The following SLC14A2 variants were observed in gnomAD, a reference collection of about 807,000 sequenced individuals.
The protein encoded by SLC14A2 is urea transporter 2.
A neutral mutation model predicts 104.6 loss-of-function variants in SLC14A2; 91 were observed. The observed-to-expected ratio is 0.87, with a 90% CI of 0.73 to 1.04. SLC14A2 has a LOEUF of 1.04. Ranked by LOEUF, SLC14A2 falls within the 50% of genes least tolerant of loss-of-function variation. The probability of loss-of-function intolerance (pLI) is 0.00; values close to 1 mark genes in which losing one functional copy is unlikely to be tolerated. For missense variants in SLC14A2, 1,189 were observed against 1,156.0 expected (o/e 1.03, Z -0.41); for synonymous variants, 476 against 466.4 (o/e 1.02, Z -0.27).
At chr18:45,592,262 T>C (rs2044659018) in intron 2 of SLC14A2, among the ~76,000 whole-genome samples, 1 of 152,198 alleles carries the variant, frequency 6.6e-6, no homozygotes, top group Non-Finnish European at 1.5e-5. Context: ...ACTAGATTTT[T>C]CAACCTCTCT....
intron 2 of SLC14A2, among the ~76,000 whole-genome samples, chr18:45,531,060 T>C (rs1365384163): frequency 1.3e-5 from 2 of 152,210 alleles, no homozygotes; most frequent in African/African-American, 2.4e-5. Context: ...TAGTATTCCA[T>C]GGTGTATATG....
At chr18:45,193,525 T>C in the SLC14A2 span, among the ~76,000 whole-genome samples, 13,562 of 152,268 alleles carry the variant, frequency 0.089, 647 homozygotes, top group East Asian at 0.14. Context: ...GTTGGTCATA[T>C]GTGTAGCAAT....
intron 1 of SLC14A2, among the ~76,000 whole-genome samples, chr18:45,359,447 A>G (rs2085588921): frequency 6.6e-6 from 1 of 152,164 alleles, no homozygotes; most frequent in Non-Finnish European, 1.5e-5. Context: ...TTCTCCAGGG[A>G]AGAGATAAGG....
intron 2 of SLC14A2, among the ~76,000 whole-genome samples, chr18:45,539,032 A>T (rs1473339148): frequency 6.6e-6 from 1 of 151,918 alleles, no homozygotes; most frequent in Non-Finnish European, 1.5e-5. Context: ...ACTTAAACAC[A>T]TTCCTTGCTC....
intron 5 of SLC14A2, among the ~76,000 whole-genome samples, chr18:45,635,822 G>T (rs183632606): frequency 7.6e-4 from 116 of 152,310 alleles, no homozygotes; most frequent in Non-Finnish European, 1.1e-3. Context: ...GGAGAGAAAT[G>T]AGAAAATTAC....
intron 2 of SLC14A2, among the ~76,000 whole-genome samples, chr18:45,549,125 A>G (rs1301065743): frequency 6.6e-6 from 1 of 152,218 alleles, no homozygotes; most frequent in African/African-American, 2.4e-5. Context: ...GCTCGAATAG[A>G]AGTAAAATGG....
intron 2 of SLC14A2, among the ~76,000 whole-genome samples, chr18:45,539,702 A>G (rs1250184969): frequency 6.6e-6 from 1 of 152,058 alleles, no homozygotes; most frequent in East Asian, 1.9e-4. Flanking sequence ...TTACATTCCA[A>G]TGGCTTTGGG....
chr18:45,305,438 G>A (rs1471567348), intron 1 of SLC14A2, among the ~76,000 whole-genome samples: 1 of 152,168 alleles, frequency 6.6e-6, no homozygotes, highest in Admixed American at 6.5e-5. Context: ...CCAGGATCCT[G>A]GACAGAATCC....
intron 1 of SLC14A2, among the ~76,000 whole-genome samples, chr18:45,223,320 T>C (rs903582872): frequency 6.6e-6 from 1 of 152,098 alleles, no homozygotes; most frequent in Non-Finnish European, 1.5e-5. Flanking sequence ...CCGTGGGTCA[T>C]GCATTAAGCA....
intron 1 of SLC14A2, among the ~76,000 whole-genome samples, chr18:45,326,813 A>G (rs1422272398): frequency 6.6e-6 from 1 of 152,214 alleles, no homozygotes; most frequent in Non-Finnish European, 1.5e-5. Flanking sequence ...GTCCAGGAGT[A>G]GGAAGCCTCG....
chr18:45,598,362 G>A (rs1018947472), intron 2 of SLC14A2, among the ~76,000 whole-genome samples: 7 of 152,082 alleles, frequency 4.6e-5, no homozygotes, highest in Non-Finnish European at 8.8e-5. Context: ...GAAATGACAT[G>A]GCACTGCAGC....
At chr18:45,197,734 T>C in the SLC14A2 span, among the ~76,000 whole-genome samples, 1 of 152,212 alleles carries the variant, frequency 6.6e-6, no homozygotes, top group Admixed American at 6.5e-5. Flanking sequence ...ACAATGCGTC[T>C]CATTCATTGC....
In SLC14A2 at chr18:45,663,879, G is replaced by A. The variant is rs572149407; in HGVS notation, c.1446G>A (p.Glu482=). 6 of 1,613,470 alleles carry A rather than the reference G, an allele frequency of 3.7e-6. No homozygotes were observed. In the South Asian group the frequency reaches 5.5e-5, roughly 15 times the overall value. The stretch of plus-strand genomic sequence containing the variant: ...AGCACAGGAGTGTATTTCACATCGA[G>A]TGGTCATCCATTCGGAGGAGGAGCA... The part of the protein sequence containing the change: ...LSKHRSVFHI[E]WSSIRRRSKV... The change falls in exon 11 of 20, where the codon GAG becomes GAA. Residue 482 remains glutamate, a synonymous_variant. Coordinates refer to ENST00000255226, the MANE Select transcript of SLC14A2 (RefSeq NM_007163.4).
At chr18:45,287,919 G>A (rs1037732755) in intron 1 of SLC14A2, among the ~76,000 whole-genome samples, 1 of 152,168 alleles carries the variant, frequency 6.6e-6, no homozygotes, top group South Asian at 2.1e-4. Flanking sequence ...GAGGATACTG[G>A]ACAGTCCTAA....
At chr18:45,389,369 T>C (rs572454810) in intron 1 of SLC14A2, among the ~76,000 whole-genome samples, 31 of 152,298 alleles carry the variant, frequency 2.0e-4, no homozygotes, top group African/African-American at 7.5e-4. Context: ...GTAACATAGC[T>C]CTCTCTCTCC....
chr18:45,363,004 C>A (rs556286278), intron 1 of SLC14A2, among the ~76,000 whole-genome samples: 2 of 152,298 alleles, frequency 1.3e-5, no homozygotes, highest in African/African-American at 4.8e-5. Flanking sequence ...GGGCCTGGCA[C>A]TTTTCTGCCT....
At chr18:45,672,131 C>T (rs541687766) in intron 16 of SLC14A2, among the ~76,000 whole-genome samples, 1 of 152,320 alleles carries the variant, frequency 6.6e-6, no homozygotes, top group African/African-American at 2.4e-5. Flanking sequence ...AGTTCCTCCT[C>T]CAGACCTTAC....
At chr18:45,307,437 C>A (rs962333276) in intron 1 of SLC14A2, among the ~76,000 whole-genome samples, 3 of 106,932 alleles carry the variant, frequency 2.8e-5, no homozygotes, top group Non-Finnish European at 2.0e-5. Flanking sequence ...AAAAAAAAAC[C>A]AAAAAACCAA....
intron 1 of SLC14A2, among the ~76,000 whole-genome samples, chr18:45,261,978 G>A (rs1384495774): frequency 2.0e-5 from 3 of 152,208 alleles, no homozygotes; most frequent in Non-Finnish European, 4.4e-5. Flanking sequence ...CTGAGGAATC[G>A]CCCCACTGAC....
Sources: gnomAD v4.1 joint callset for allele counts (sites outside exome capture counted in the v4.1 genomes callset) on GRCh38, gnomAD v4.1.1 for gene constraint, MANE v1.5 for transcripts, NCBI Gene and HGNC (gene_info 2026-07-23, HGNC 2026-07-21) for gene names.